The following EIF4G3 variants were observed in gnomAD, a reference collection of about 807,000 sequenced individuals.
EIF4G3 encodes the protein eIF-4-gamma 3.
Under a neutral mutation model 186.4 loss-of-function variants are expected in EIF4G3, and 34 were observed. The ratio of observed to expected loss-of-function variants is 0.18; its 90% CI spans 0.14 to 0.24. The LOEUF is 0.24. Among genes scored for constraint, EIF4G3 ranks in the 10% least tolerant of loss-of-function variants. EIF4G3 has a pLI of 1.00. For missense variants in EIF4G3, 1,536 were observed against 1,948.5 expected (o/e 0.79, Z 3.99); for synonymous variants, 673 against 679.5 (o/e 0.99, Z 0.15).
downstream of EIF4G3, chr1:20,806,422 C>A (rs984502062): frequency 1.3e-5 from 2 of 152,648 alleles, no homozygotes; most frequent in African/African-American, 4.8e-5. Context: ...CCAGACAGCA[C>A]CCCCAGGAAT....
At chr1:20,928,106 C>G (rs1334020052) in intron 14 of EIF4G3, among the ~76,000 whole-genome samples, 1 of 151,918 alleles carries the variant, frequency 6.6e-6, no homozygotes, top group African/African-American at 2.4e-5. Context: ...ACATTCAATA[C>G]CAAGCTGAGA....
Position 20,954,492 on chromosome 1 carries a change from C to T in EIF4G3, c.715-4381G>A, listed in dbSNP as rs556114412. Among the ~76,000 whole-genome samples, 4 of 138,438 alleles carry T rather than the reference C, an allele frequency of 2.9e-5. No homozygotes were observed. The South Asian group carries it at 7.6e-4, about 26-fold the overall frequency. The allele number at this position is 138,438 out of a possible 152,430, so 90.8% of individuals were successfully genotyped here. A position where few individuals can be genotyped will look rare whatever the true frequency, so the allele number is the denominator to read the frequency against. ...TGGAGGTTGCAGTGAGCCGAGATCG[C>T]GCCACTGCATTCCAGCCTGGCGAGA... is the stretch of plus-strand genomic sequence containing the variant. On this transcript the variant is annotated intron_variant, in intron 12 of 36. Transcript: ENST00000602326.
intron 19 of EIF4G3, among the ~76,000 whole-genome samples, chr1:20,882,175 T>C (rs1273285783): frequency 1.7e-5 from 1 of 59,958 alleles, no homozygotes; most frequent in Non-Finnish European, 3.3e-5. Context: ...AAAAGAAAAA[T>C]TACACACACA....
intron 3 of EIF4G3, among the ~76,000 whole-genome samples, chr1:21,053,748 G>A (rs1340224044): frequency 1.6e-4 from 24 of 147,672 alleles, no homozygotes; most frequent in African/African-American, 1.0e-4. Context: ...CCGGCCAGCC[G>A]CCCCATCCGG....
intron 29 of EIF4G3, 82 bp from the exon 30 acceptor site, chr1:20,841,110 T>C: frequency 7.1e-7 from 1 of 1,418,256 alleles, no homozygotes; most frequent in Non-Finnish European, 9.7e-7. Flanking sequence ...AATCTTTTAC[T>C]TACAACAGAA....
At chr1:20,859,522 A>G (rs2075870111) in intron 24 of EIF4G3, among the ~76,000 whole-genome samples, 1 of 152,192 alleles carries the variant, frequency 6.6e-6, no homozygotes, top group Admixed American at 6.5e-5. Context: ...CAACGTTCCT[A>G]AACTTAGTAA....
Position 20,840,913 on chromosome 1 carries a change from T to C in EIF4G3, c.4004A>G (p.Gln1335Arg). ...TGACTGTACCAGCTGATAGAGTAATTGGCCCATGTGATCCCTGGTGATCTG... is the reference window on the plus strand; with the variant it reads ...TGACTGTACCAGCTGATAGAGTAATCGGCCCATGTGATCCCTGGTGATCTG... ...RSQITRDHMG[Q>R]LLYQLVQSEK... is the part of the protein sequence containing the mutation. The change falls in exon 30 of 37, where the codon CAA (glutamine) becomes CGA (arginine). Residue 1335 changes from glutamine to arginine, a missense_variant. By Grantham distance (43) the Gln-to-Arg change is conservative (BLOSUM62 1). This residue lies in a region of EIF4G3 where 395 missense variants were observed against 498.9 expected (regional missense o/e 0.79). Transcript: ENST00000602326. The C allele has an allele frequency of 6.2e-7, 1 of 1,614,084 alleles. No homozygotes were observed. The highest frequency in any genetic ancestry group is 1.1e-5 in the South Asian group (1 of 91,082).
intron 20 of EIF4G3, among the ~76,000 whole-genome samples, chr1:20,866,823 C>T (rs1300630090): frequency 2.0e-5 from 3 of 152,154 alleles, no homozygotes; most frequent in African/African-American, 7.2e-5. Context: ...TTTATAGGAA[C>T]ATAAGTTAAA....
chr1:21,015,450 G>A (rs947414622), intron 4 of EIF4G3, among the ~76,000 whole-genome samples: 6 of 151,932 alleles, frequency 3.9e-5, no homozygotes, highest in Non-Finnish European at 8.8e-5. Flanking sequence ...AAACCAAAGA[G>A]ACCCACATGG....
chr1:21,015,315 CAGA>C (rs957104956), intron 4 of EIF4G3, among the ~76,000 whole-genome samples: 4 of 151,640 alleles, frequency 2.6e-5, no homozygotes, highest in Admixed American at 1.3e-4. Flanking sequence ...ATTCACATTA[CAGA>C]AGAAGAGAGA....
At chr1:20,890,065 C>T (rs888046528) in intron 18 of EIF4G3, among the ~76,000 whole-genome samples, 5 of 151,236 alleles carry the variant, frequency 3.3e-5, no homozygotes, top group East Asian at 2.0e-4. Context: ...CTCCGCCTCC[C>T]GGGTTCAAGC....
chr1:20,854,909 A>G (rs1382239150), intron 26 of EIF4G3, 69 bp downstream of exon 26: 48 of 1,293,428 alleles, frequency 3.7e-5, no homozygotes, highest in Non-Finnish European at 5.3e-5. Context: ...TTCGATGACT[A>G]TGGGAATGCG....
At chr1:21,052,926 C>T (rs1260328389) in intron 3 of EIF4G3, among the ~76,000 whole-genome samples, 144 of 151,554 alleles carry the variant, frequency 9.5e-4, no homozygotes, top group African/African-American at 3.2e-3. Flanking sequence ...GATCTCGGCT[C>T]GCTACAACCT....
chr1:20,888,734 A>T (rs2085021915), intron 18 of EIF4G3, among the ~76,000 whole-genome samples: 1 of 152,198 alleles, frequency 6.6e-6, no homozygotes, highest in Non-Finnish European at 1.5e-5. Context: ...CCTAAAAACT[A>T]TATTATCATC....
intron 2 of EIF4G3, among the ~76,000 whole-genome samples, chr1:21,128,601 G>A (rs1317045074): frequency 6.6e-6 from 1 of 152,146 alleles, no homozygotes; most frequent in Non-Finnish European, 1.5e-5. Context: ...CCCACATCCA[G>A]CAATTATCCA....
In EIF4G3 at chr1:20,868,500, T is replaced by G. The variant is rs566512966; in HGVS notation, c.2623-3238A>C. Among the ~76,000 whole-genome samples the G allele has an allele frequency of 2.1e-3, 326 of 152,174 alleles. 1 individual carries two copies. Among genetic ancestry groups the G allele is most frequent in the African/African-American group, 7.2e-3 (301 of 41,520 alleles). ...CCCTCATGACCTCAACTAAACCTAGTTACTGCCCCCCACCCACCTCCTAAT... is the reference window on the plus strand; with the variant it reads ...CCCTCATGACCTCAACTAAACCTAGGTACTGCCCCCCACCCACCTCCTAAT... On this transcript the variant is annotated intron_variant, in intron 20 of 36. Transcript: ENST00000602326.
intron 3 of EIF4G3, among the ~76,000 whole-genome samples, chr1:21,059,210 T>C (rs1430140331): frequency 6.6e-6 from 1 of 152,152 alleles, no homozygotes; most frequent in African/African-American, 2.4e-5. Context: ...TCAAAACATT[T>C]CAGCAGCTGC....
chr1:21,112,393 T>G (rs1344415787), intron 2 of EIF4G3, among the ~76,000 whole-genome samples: 2 of 152,238 alleles, frequency 1.3e-5, no homozygotes, highest in Non-Finnish European at 2.9e-5. Context: ...AAAATAAAAT[T>G]TTTGATCACT....
At chr1:20,814,681 T>C (rs2154544328) in intron 34 of EIF4G3, among the ~76,000 whole-genome samples, 1 of 150,390 alleles carries the variant, frequency 6.6e-6, no homozygotes, top group African/African-American at 2.4e-5. Flanking sequence ...GAGAAAAATG[T>C]TACTCTTTTC....
Sources: allele counts gnomAD v4.1 joint callset (sites outside exome capture counted in the v4.1 genomes callset), GRCh38; gene constraint gnomAD v4.1.1; regional missense constraint gnomAD v4.1.1; transcripts MANE v1.5; gene names NCBI Gene and HGNC (gene_info 2026-07-23, HGNC 2026-07-21).